ABLIM1: variants seen among roughly 807,000 people sequenced by gnomAD.
ABLIM1 encodes the protein actin binding LIM protein 1, also known as actin-binding LIM protein 1.
ABLIM1 carries 40 observed loss-of-function variants against 107.0 expected under a neutral mutation model. The observed-to-expected ratio is 0.37, with a 90% confidence interval of 0.29 to 0.49. The LOEUF (loss-of-function observed/expected upper bound fraction) is 0.49, where lower values mean the gene tolerates loss of function less well. Among genes scored for constraint, ABLIM1 ranks in the 20% least tolerant of loss-of-function variants. The pLI, the probability that ABLIM1 is intolerant of heterozygous loss-of-function variation, is 0.97. For missense variants in ABLIM1, 857 were observed against 1,008.5 expected, an observed-to-expected ratio of 0.85 and a Z score of 2.04; for synonymous variants, 357 against 357.3, an observed-to-expected ratio of 1.00 and a Z score of 0.01.
chr10:114,510,259 C>G (rs1467731871), intron 6 of ABLIM1, among the ~76,000 whole-genome samples: 1 of 152,166 alleles, frequency 6.6e-6, no homozygotes, highest in Non-Finnish European at 1.5e-5. Flanking sequence ...CCTGGGGCCC[C>G]TCTAGAGAAA....
At chr10:114,496,655 A>C (rs2059708134) in intron 6 of ABLIM1, among the ~76,000 whole-genome samples, 1 of 152,228 alleles carries the variant, frequency 6.6e-6, no homozygotes, top group Non-Finnish European at 1.5e-5. Context: ...GGAACTTAAA[A>C]ATAAAATAAA....
the ABLIM1 span, among the ~76,000 whole-genome samples, chr10:114,799,460 G>A: frequency 2.0e-5 from 3 of 152,144 alleles, no homozygotes; most frequent in African/African-American, 7.2e-5. Flanking sequence ...GCATCTGACA[G>A]ATTGAAAACA....
intron 1 of ABLIM1, among the ~76,000 whole-genome samples, chr10:114,732,180 C>CTT (rs113276247): frequency 2.2e-3 from 247 of 109,808 alleles, no homozygotes; most frequent in Non-Finnish European, 3.1e-3. Flanking sequence ...CTTTTCTTTT[C>CTT]TTTTTTTTTT....
rs1192813963 is a variant in ABLIM1, at chr10:114,494,083, G to A, written c.895-2205C>T. Among the ~76,000 whole-genome samples the A allele has an allele frequency of 2.6e-5, 4 of 152,276 alleles. No individual in the cohort carries two copies. In the East Asian group the frequency reaches 5.8e-4, roughly 22 times the overall value. ...AAATAAATCAACAGTAGAGAAGAGA[G>A]GAACCAGTTGCATAGCCATACATAC... On this transcript the variant is annotated intron_variant, in intron 6 of 22. Transcript: ENST00000533213.
At chr10:114,524,613 A>G (rs1267476824) in intron 6 of ABLIM1, among the ~76,000 whole-genome samples, 1 of 152,250 alleles carries the variant, frequency 6.6e-6, no homozygotes, top group Non-Finnish European at 1.5e-5. Flanking sequence ...CTCTATATTT[A>G]CAGAAGGGAA....
intron 10 of ABLIM1, among the ~76,000 whole-genome samples, chr10:114,471,905 A>G (rs2066645183): frequency 6.6e-6 from 1 of 152,106 alleles, no homozygotes; most frequent in African/African-American, 2.4e-5. Flanking sequence ...TTCAAAAAAT[A>G]AAAGAGAAAA....
intron 2 of ABLIM1, among the ~76,000 whole-genome samples, chr10:114,584,378 A>C (rs758431699): frequency 6.6e-6 from 1 of 152,184 alleles, no homozygotes; most frequent in Non-Finnish European, 1.5e-5. Flanking sequence ...TATTCATCAA[A>C]CCCTATCTTC....
chr10:114,560,684 G>A (rs545000234), intron 4 of ABLIM1, among the ~76,000 whole-genome samples: 5 of 152,268 alleles, frequency 3.3e-5, no homozygotes, highest in Admixed American at 6.5e-5. Context: ...TTGTCAGCAC[G>A]TATCCCTGTT....
intron 1 of ABLIM1, among the ~76,000 whole-genome samples, chr10:114,666,671 A>G (rs1358155182): frequency 6.6e-6 from 1 of 152,194 alleles, no homozygotes; most frequent in Non-Finnish European, 1.5e-5. Context: ...ATACAAGAAT[A>G]TCTCCCTCAT....
At chr10:114,508,130 G>A (rs1248107173) in intron 6 of ABLIM1, among the ~76,000 whole-genome samples, 1 of 152,168 alleles carries the variant, frequency 6.6e-6, no homozygotes, top group African/African-American at 2.4e-5. Context: ...AGGCTTTGTT[G>A]CATTTCATGA....
chr10:114,716,357 C>T (rs1029438816), intron 1 of ABLIM1, among the ~76,000 whole-genome samples: 9 of 151,174 alleles, frequency 6.0e-5, no homozygotes, highest in Non-Finnish European at 1.2e-4. Context: ...TAGGTAGATG[C>T]ATGAGAGGTA....
chr10:114,744,344 GAAGAACCCAGGCACT>G (rs2082342333), intron 1 of ABLIM1, among the ~76,000 whole-genome samples: 1 of 152,150 alleles, frequency 6.6e-6, no homozygotes, highest in African/African-American at 2.4e-5. Flanking sequence ...CATCTGGGGA[GAAGAACCCAGGCACT>G]GCTTTAATTT....
chr10:114,798,556 A>ACCG, the ABLIM1 span, among the ~76,000 whole-genome samples: 32 of 126,034 alleles, frequency 2.5e-4, no homozygotes, highest in Middle Eastern at 4.0e-3. Flanking sequence ...AGATGATGAG[A>ACCG]CCCCCCCCCC....
At chr10:114,615,646 C>T in intron 1 of ABLIM1, 1 of 434,396 alleles carries the variant, frequency 2.3e-6, no homozygotes, top group South Asian at 1.6e-5. Flanking sequence ...TGAATACCAG[C>T]CTGGCTTTCT....
chr10:114,753,521 T>C (rs748364708), intron 1 of ABLIM1, among the ~76,000 whole-genome samples: 2 of 152,206 alleles, frequency 1.3e-5, no homozygotes, highest in Admixed American at 6.5e-5. Context: ...TATGCAGTCA[T>C]AAAACATGAG....
the ABLIM1 span, among the ~76,000 whole-genome samples, chr10:114,796,140 T>A: frequency 2.0e-5 from 3 of 152,188 alleles, no homozygotes; most frequent in African/African-American, 7.2e-5. Context: ...AGCTTCAAAA[T>A]TTTTCAGTAT....
At chr10:114,671,531 G>T (rs1313505603) in intron 1 of ABLIM1, among the ~76,000 whole-genome samples, 1 of 152,174 alleles carries the variant, frequency 6.6e-6, no homozygotes, top group Non-Finnish European at 1.5e-5. Flanking sequence ...TCTTCTGAAG[G>T]TGATGCCAAA....
chr10:114,503,556 C>T (rs774218212), intron 6 of ABLIM1, among the ~76,000 whole-genome samples: 1 of 152,020 alleles, frequency 6.6e-6, no homozygotes, highest in African/African-American at 2.4e-5. Flanking sequence ...TATATATATA[C>T]ATATATATGC....
chr10:114,467,562 A>C (rs6585283), intron 11 of ABLIM1, among the ~76,000 whole-genome samples: 14,525 of 152,258 alleles, frequency 0.095, 752 homozygotes, highest in East Asian at 0.19. Flanking sequence ...TCAAGCTTGC[A>C]CAGTTGGTCA....
Sources: allele counts gnomAD v4.1 joint callset (sites outside exome capture counted in the v4.1 genomes callset), GRCh38; gene constraint gnomAD v4.1.1; transcripts MANE v1.5; gene names NCBI Gene and HGNC (gene_info 2026-07-23, HGNC 2026-07-21).